WWOX: variants seen among roughly 807,000 people sequenced by gnomAD.
WWOX encodes WW domain-containing oxidoreductase.
In WWOX, 69 loss-of-function variants were observed where a neutral mutation model predicts 46.2. That is an observed-to-expected ratio of 1.49 (90% CI 1.23 to 1.82). The LOEUF is 1.82. Ranked by LOEUF, WWOX falls within the 40% of genes most tolerant of loss-of-function variation. The pLI, the probability that WWOX is intolerant of heterozygous loss-of-function variation, is 0.00. For synonymous variants in WWOX, 359 were observed against 202.6 expected (o/e 1.77, Z -6.56); for missense variants, 919 against 542.6 (o/e 1.69, Z -6.89).
At chr16:78,899,637 T>C (rs959508555) in intron 8 of WWOX, 1 of 152,206 alleles carries the variant, frequency 6.6e-6, no homozygotes, top group African/African-American at 2.4e-5. Flanking sequence ...ATAAAAGATA[T>C]GATGACTAGT....
At chr16:78,869,302 C>T (rs150956560) in intron 8 of WWOX, among the ~76,000 whole-genome samples, 59 of 152,204 alleles carry the variant, frequency 3.9e-4, no homozygotes, top group African/African-American at 1.3e-3. Flanking sequence ...AAGGAAAGTC[C>T]GAGAGTTGGT....
At chr16:78,314,602 G>A (rs1380961935) in intron 5 of WWOX, among the ~76,000 whole-genome samples, 1 of 142,482 alleles carries the variant, frequency 7.0e-6, no homozygotes, top group Non-Finnish European at 1.5e-5. Flanking sequence ...CTGGCTCACT[G>A]CAACCTCTAC....
chr16:78,272,015 AC>A (rs2079486124), intron 5 of WWOX, among the ~76,000 whole-genome samples: 1 of 152,206 alleles, frequency 6.6e-6, no homozygotes, highest in Admixed American at 6.5e-5. Context: ...AGTCAGCCAA[AC>A]TTTTGGAGTA....
chr16:78,801,879 G>A (rs80053346), intron 8 of WWOX, among the ~76,000 whole-genome samples: 5,820 of 152,186 alleles, frequency 0.038, 371 homozygotes, highest in African/African-American at 0.13. Context: ...CGATTGTCCT[G>A]ATCTAAAATT....
At chr16:78,530,344 G>C (rs1016063853) in intron 8 of WWOX, among the ~76,000 whole-genome samples, 1 of 152,186 alleles carries the variant, frequency 6.6e-6, no homozygotes, top group African/African-American at 2.4e-5. Flanking sequence ...GAGGTCTCAT[G>C]AGCAAATTTT....
chr16:79,155,124 T>C (rs1271421890), intron 8 of WWOX, among the ~76,000 whole-genome samples: 3 of 152,220 alleles, frequency 2.0e-5, no homozygotes, highest in African/African-American at 7.2e-5. Context: ...ACGCCTGTAA[T>C]CCCAGCACTT....
intron 8 of WWOX, chr16:78,895,779 A>T (rs963336479): frequency 2.0e-5 from 3 of 152,246 alleles, no homozygotes; most frequent in African/African-American, 7.2e-5. Flanking sequence ...TGAGATGCTA[A>T]CAAAAACAAG....
intron 5 of WWOX, among the ~76,000 whole-genome samples, chr16:78,273,234 A>T (rs2079514266): frequency 2.0e-5 from 3 of 152,090 alleles, no homozygotes; most frequent in African/African-American, 2.4e-5. Flanking sequence ...CCTATGCCAA[A>T]CTTCCTAGCC....
chr16:79,066,075 TCTC>T (rs2048435625), intron 8 of WWOX, among the ~76,000 whole-genome samples: 1 of 152,158 alleles, frequency 6.6e-6, no homozygotes, highest in Non-Finnish European at 1.5e-5. Flanking sequence ...GCCTCCAGCT[TCTC>T]CTTCACACCT....
chr16:78,643,235 A>T (rs1013883900), intron 8 of WWOX, among the ~76,000 whole-genome samples: 3 of 152,244 alleles, frequency 2.0e-5, no homozygotes, highest in Non-Finnish European at 4.4e-5. Flanking sequence ...ACGTATGCCT[A>T]GAAAACATGA....
At chr16:78,220,535 G>C (rs763014169) in intron 5 of WWOX, among the ~76,000 whole-genome samples, 6 of 151,994 alleles carry the variant, frequency 3.9e-5, no homozygotes, top group Non-Finnish European at 7.4e-5. Flanking sequence ...AAAGCTTTCT[G>C]TTCAGTTTAA....
chr16:78,667,287 C>T (rs1297014084), intron 8 of WWOX, among the ~76,000 whole-genome samples: 1 of 152,116 alleles, frequency 6.6e-6, no homozygotes, highest in East Asian at 1.9e-4. Context: ...TCTTTTAACA[C>T]CATTTTCAAG....
chr16:78,719,550 A>C (rs535601629), intron 8 of WWOX, among the ~76,000 whole-genome samples: 1 of 152,206 alleles, frequency 6.6e-6, no homozygotes, highest in Admixed American at 6.5e-5. Context: ...TTAATTAAGA[A>C]GGAGAAGGGG....
At chr16:78,200,673 T>C (rs1014921383) in intron 5 of WWOX, among the ~76,000 whole-genome samples, 2 of 144,022 alleles carry the variant, frequency 1.4e-5, no homozygotes, top group Non-Finnish European at 3.1e-5. Flanking sequence ...TCTGTAGAGC[T>C]GGATTAATTT....
At chr16:78,900,787 C>G (rs996874411) in intron 8 of WWOX, among the ~76,000 whole-genome samples, 8 of 151,538 alleles carry the variant, frequency 5.3e-5, no homozygotes, top group Non-Finnish European at 8.8e-5. Flanking sequence ...ACGTAATAAC[C>G]TCTCTTTTTT....
chr16:78,144,969 C>G (rs1319569867), intron 4 of WWOX, among the ~76,000 whole-genome samples: 1 of 152,150 alleles, frequency 6.6e-6, no homozygotes, highest in East Asian at 1.9e-4. Context: ...TATTATTCCC[C>G]TTTCACAGAT....
At chr16:78,141,141 G>C (rs1469557908) in intron 4 of WWOX, among the ~76,000 whole-genome samples, 1 of 152,244 alleles carries the variant, frequency 6.6e-6, no homozygotes, top group Non-Finnish European at 1.5e-5. Flanking sequence ...CCTTGAGCAA[G>C]TGAGTTCGAA....
chr16:78,263,077 T>G (rs1200609884), intron 5 of WWOX, among the ~76,000 whole-genome samples: 1 of 152,054 alleles, frequency 6.6e-6, no homozygotes, highest in Non-Finnish European at 1.5e-5. Flanking sequence ...CATTCCACAG[T>G]GTAGCAAGCC....
At chr16:78,837,924 A>G (rs1016082131) in intron 8 of WWOX, among the ~76,000 whole-genome samples, 1 of 152,198 alleles carries the variant, frequency 6.6e-6, no homozygotes, top group African/African-American at 2.4e-5. Flanking sequence ...CCAGGGACCT[A>G]CCTGCTCAAG....
Sources: allele counts gnomAD v4.1 joint callset (sites outside exome capture counted in the v4.1 genomes callset), GRCh38; gene constraint gnomAD v4.1.1; transcripts MANE v1.5; gene names NCBI Gene and HGNC (gene_info 2026-07-23, HGNC 2026-07-21).